ANKRD30B: variants seen among roughly 807,000 people sequenced by gnomAD.
ANKRD30B encodes the protein ankyrin repeat domain 30B.
A neutral mutation model predicts 202.2 loss-of-function variants in ANKRD30B; 144 were observed. The observed-to-expected ratio is 0.71, with a 90% CI of 0.62 to 0.82. The LOEUF is 0.82. Among genes scored for constraint, ANKRD30B ranks in the 40% least tolerant of loss-of-function variants. ANKRD30B has a pLI of 0.00. For missense variants in ANKRD30B, 1,487 were observed against 1,669.1 expected (o/e 0.89, Z 1.90); for synonymous variants, 508 against 561.3 (o/e 0.91, Z 1.34).
intron 18 of ANKRD30B, among the ~76,000 whole-genome samples, chr18:14,797,200 G>T (rs756235661): frequency 4.6e-5 from 7 of 152,070 alleles, no homozygotes; most frequent in Non-Finnish European, 1.0e-4. Context: ...TTATCCATAT[G>T]GACAGGTACC....
chr18:14,799,047 G>T lies in ANKRD30B; in HGVS notation c.2030-54G>T, dbSNP rs1969128926. On this transcript the variant is annotated intron_variant, in intron 20 of 43. Coordinates refer to ENST00000690538, the MANE Select transcript of ANKRD30B (RefSeq NM_001367607.2). Reference sequence around the variant, plus strand: ...CATATTCACACTCTATGAACGTTTGGTAGGCTTTGTCAAGCTTGCATATAA... The same window carrying T: ...CATATTCACACTCTATGAACGTTTGTTAGGCTTTGTCAAGCTTGCATATAA... 2.4e-5 allele frequency: 35 copies of T among 1,458,652 alleles called. No homozygotes were observed. In the South Asian group the frequency reaches 3.8e-4, roughly 16 times the overall value. The allele number at this position is 1,458,652 out of a possible 1,614,324, so 90.4% of individuals were successfully genotyped here.
At chr18:14,835,996 T>C (rs1416936981) in intron 34 of ANKRD30B, among the ~76,000 whole-genome samples, 1 of 152,002 alleles carries the variant, frequency 6.6e-6, no homozygotes, top group Non-Finnish European at 1.5e-5. Context: ...ATTCTTGAAA[T>C]AAATTTGGAA....
chr18:14,824,299 C>T (rs1970577672), intron 32 of ANKRD30B, among the ~76,000 whole-genome samples: 1 of 152,142 alleles, frequency 6.6e-6, no homozygotes, highest in African/African-American at 2.4e-5. Flanking sequence ...ATATTTACTG[C>T]TTCAACTAAT....
At chr18:14,888,403 C>A in the ANKRD30B span, among the ~76,000 whole-genome samples, 1 of 151,890 alleles carries the variant, frequency 6.6e-6, no homozygotes, top group Non-Finnish European at 1.5e-5. Context: ...GTAACATACT[C>A]TTAAGGGTAA....
At position 14,809,181 on chromosome 18, in the gene ANKRD30B, T is replaced by A. The variant is rs1215702856; in HGVS notation, c.2386+437T>A. Among the ~76,000 whole-genome samples the A allele has an allele frequency of 8.0e-5, 12 of 150,392 alleles. 1 individual carries two copies. The highest frequency in any genetic ancestry group is 5.9e-4 in the East Asian group (3 of 5,118). On this transcript the variant is annotated intron_variant, in intron 26 of 43. Transcript: ENST00000690538. The stretch of plus-strand genomic sequence containing the variant: ...ATGAGGGATTTAGGGTCATTTGATT[T>A]TGAGGTGAGATGGTCACATGGGGAT...
intron 33 of ANKRD30B, among the ~76,000 whole-genome samples, chr18:14,829,187 A>G (rs1014256553): frequency 9.2e-5 from 14 of 152,156 alleles, no homozygotes; most frequent in East Asian, 1.9e-4. Flanking sequence ...ATTAAAGCAC[A>G]TGGAATTTTA....
chr18:14,819,733 G>C (rs556929393), intron 30 of ANKRD30B, among the ~76,000 whole-genome samples: 1 of 151,984 alleles, frequency 6.6e-6, no homozygotes, highest in African/African-American at 2.4e-5. Context: ...TCTCTGTTTC[G>C]GTACCAGTAC....
At chr18:14,773,519 AT>A (rs1158326266) in intron 9 of ANKRD30B, among the ~76,000 whole-genome samples, 1 of 152,232 alleles carries the variant, frequency 6.6e-6, no homozygotes, top group Non-Finnish European at 1.5e-5. Flanking sequence ...AATATTTAGA[AT>A]GCATAAATTC....
intron 24 of ANKRD30B, among the ~76,000 whole-genome samples, chr18:14,804,121 A>G (rs1969357391): frequency 2.8e-5 from 1 of 35,384 alleles, no homozygotes; most frequent in Non-Finnish European, 5.8e-5. Flanking sequence ...CGAGAAAGAC[A>G]GAGAGTACAG....
intron 11 of ANKRD30B, among the ~76,000 whole-genome samples, chr18:14,780,450 A>G (rs879724257): frequency 1.3e-5 from 2 of 152,094 alleles, no homozygotes; most frequent in Admixed American, 1.3e-4. Context: ...GTCTCCAAAA[A>G]AAAAATACTT....
intron 16 of ANKRD30B, among the ~76,000 whole-genome samples, chr18:14,792,748 A>G (rs371091270): frequency 2.1e-5 from 3 of 142,506 alleles, no homozygotes; most frequent in Admixed American, 7.1e-5. Context: ...ATATATATAT[A>G]TGTATATATT....
At chr18:14,906,577 TAAAGA>T in the ANKRD30B span, among the ~76,000 whole-genome samples, 2 of 152,218 alleles carry the variant, frequency 1.3e-5, no homozygotes, top group African/African-American at 2.4e-5. Context: ...TTTGTGCATA[TAAAGA>T]AAAGTCTTTC....
At chr18:14,888,800 A>G in the ANKRD30B span, 2 of 1,114,720 alleles carry the variant, frequency 1.8e-6, no homozygotes, top group Non-Finnish European at 2.6e-6. Context: ...GGCAACAAAC[A>G]TTTCCCCTCC....
chr18:14,822,550 T>C (rs750355510), intron 31 of ANKRD30B, 39 bp downstream of exon 31: 2 of 1,027,010 alleles, frequency 1.9e-6, no homozygotes, highest in African/African-American at 1.6e-5. Context: ...TATTAACTAC[T>C]TATTTTATGA....
intron 34 of ANKRD30B, among the ~76,000 whole-genome samples, chr18:14,831,703 A>G (rs1970949409): frequency 6.6e-6 from 1 of 152,142 alleles, no homozygotes; most frequent in Non-Finnish European, 1.5e-5. Flanking sequence ...TGTGAGGGCC[A>G]AAAACCGGAA....
the ANKRD30B span, among the ~76,000 whole-genome samples, chr18:14,861,963 A>G: frequency 3.9e-5 from 6 of 152,272 alleles, no homozygotes; most frequent in Non-Finnish European, 8.8e-5. Flanking sequence ...GAATAAAATT[A>G]GAAGTCAATA....
At chr18:14,756,016 A>G (rs1202382541) in intron 4 of ANKRD30B, among the ~76,000 whole-genome samples, 2 of 152,206 alleles carry the variant, frequency 1.3e-5, no homozygotes, top group East Asian at 3.8e-4. Context: ...TTACATTCCC[A>G]CCAACAGTGT....
At chr18:14,893,643 T>C in the ANKRD30B span, among the ~76,000 whole-genome samples, 1 of 151,414 alleles carries the variant, frequency 6.6e-6, no homozygotes, top group Non-Finnish European at 1.5e-5. Context: ...AACTATGAAA[T>C]CCTACCCTCC....
the ANKRD30B span, among the ~76,000 whole-genome samples, chr18:14,920,129 G>A: frequency 6.6e-6 from 1 of 152,242 alleles, no homozygotes; most frequent in South Asian, 2.1e-4. Context: ...GGATGGAGTG[G>A]GGAGTACAGG....
Sources: gnomAD v4.1 joint callset for allele counts (sites outside exome capture counted in the v4.1 genomes callset) on GRCh38, gnomAD v4.1.1 for gene constraint, MANE v1.5 for transcripts, NCBI Gene and HGNC (gene_info 2026-07-23, HGNC 2026-07-21) for gene names.